The following ZBTB20 variants were observed in gnomAD, a reference collection of about 807,000 sequenced individuals.
ZBTB20 encodes the protein zinc finger and BTB domain containing 20.
ZBTB20 carries 9 observed loss-of-function variants against 56.9 expected under a neutral mutation model. The observed-to-expected ratio is 0.16, with a 90% CI of 0.10 to 0.28. The LOEUF is 0.28. Among genes scored for constraint, ZBTB20 ranks in the 10% least tolerant of loss-of-function variants. The pLI is 1.00. For synonymous variants in ZBTB20, 417 were observed against 420.7 expected, an observed-to-expected ratio of 0.99 and a Z score of 0.11; for missense variants, 655 against 1,003.0, an observed-to-expected ratio of 0.65 and a Z score of 4.69.
chr3:114,393,160 G>A (rs2086035396), intron 7 of ZBTB20, among the ~76,000 whole-genome samples: 1 of 152,138 alleles, frequency 6.6e-6, no homozygotes, highest in Non-Finnish European at 1.5e-5. Context: ...CAGCAAAATG[G>A]GCTCAAGAGC....
chr3:114,815,896 T>C (rs756163079), intron 4 of ZBTB20, among the ~76,000 whole-genome samples: 1 of 152,158 alleles, frequency 6.6e-6, no homozygotes, highest in Non-Finnish European at 1.5e-5. Context: ...TTATTTTAGA[T>C]AACACTCTTT....
chr3:114,435,279 T>A (rs1307920223), intron 7 of ZBTB20, among the ~76,000 whole-genome samples: 1 of 152,176 alleles, frequency 6.6e-6, no homozygotes, highest in African/African-American at 2.4e-5. Context: ...GGGAGGAAGA[T>A]AACAGTGATC....
At chr3:114,985,587 T>C (rs1013489980) in intron 2 of ZBTB20, among the ~76,000 whole-genome samples, 5 of 152,074 alleles carry the variant, frequency 3.3e-5, no homozygotes, top group African/African-American at 9.7e-5. Flanking sequence ...TCAAAAACAA[T>C]TGAATGGAAC....
intron 7 of ZBTB20, among the ~76,000 whole-genome samples, chr3:114,439,539 A>G (rs1176280388): frequency 6.6e-6 from 1 of 152,176 alleles, no homozygotes; most frequent in Non-Finnish European, 1.5e-5. Flanking sequence ...GGGTAACATC[A>G]TGTCTAAAAA....
At position 114,505,657 on chromosome 3, in the gene ZBTB20, G is replaced by A. The variant is rs79721480; in HGVS notation, c.-294-5266C>T. Among the ~76,000 whole-genome samples the A allele has an allele frequency of 9.3e-3, 1,421 of 152,004 alleles. 23 individuals are homozygous for A. Among genetic ancestry groups the A allele is most frequent in the African/African-American group, 0.032 (1,307 of 41,462 alleles). Reference sequence around the variant, plus strand: ...GATAATGTTTTAACATCCCTTTAACGTTCTAGAAGTATTGCGTTAATTAAT... The same window carrying A: ...GATAATGTTTTAACATCCCTTTAACATTCTAGAAGTATTGCGTTAATTAAT... On this transcript the variant is annotated intron_variant, in intron 6 of 11. Transcript: ENST00000675478.
intron 5 of ZBTB20, among the ~76,000 whole-genome samples, chr3:114,758,200 T>C (rs76754982): frequency 0.034 from 5,220 of 152,238 alleles, 145 homozygotes; most frequent in African/African-American, 0.07. Context: ...AGTATCTCTG[T>C]TTCTTAATGT....
At chr3:114,838,999 T>C (rs748195998) in intron 4 of ZBTB20, among the ~76,000 whole-genome samples, 1 of 152,158 alleles carries the variant, frequency 6.6e-6, no homozygotes, top group Non-Finnish European at 1.5e-5. Flanking sequence ...TCCTGTTCTA[T>C]TAATTACAGT....
intron 3 of ZBTB20, among the ~76,000 whole-genome samples, chr3:114,932,203 A>C (rs1383404937): frequency 6.6e-6 from 1 of 152,184 alleles, no homozygotes; most frequent in African/African-American, 2.4e-5. Flanking sequence ...AGGGTTATGG[A>C]TCACCTGTAA....
chr3:114,918,353 A>G (rs954669403), intron 3 of ZBTB20, among the ~76,000 whole-genome samples: 2 of 151,898 alleles, frequency 1.3e-5, no homozygotes, highest in Non-Finnish European at 2.9e-5. Flanking sequence ...CTGCTCTACA[A>G]CACTATGGCC....
intron 1 of ZBTB20, among the ~76,000 whole-genome samples, chr3:115,111,638 A>G (rs1182653849): frequency 6.6e-6 from 1 of 152,200 alleles, no homozygotes; most frequent in Non-Finnish European, 1.5e-5. Context: ...AGAATATTTG[A>G]TAACATAAAA....
chr3:114,734,287 T>A (rs962791343), intron 5 of ZBTB20, among the ~76,000 whole-genome samples: 3 of 152,026 alleles, frequency 2.0e-5, no homozygotes, highest in Non-Finnish European at 2.9e-5. Context: ...TAAAAAACAC[T>A]GGAGACCAAT....
At chr3:114,485,222 A>G (rs932100033) in intron 7 of ZBTB20, among the ~76,000 whole-genome samples, 1 of 152,196 alleles carries the variant, frequency 6.6e-6, no homozygotes, top group Non-Finnish European at 1.5e-5. Context: ...AGTTATTTTT[A>G]CAAAAATACT....
At chr3:114,948,743 T>G (rs2076968807) in intron 3 of ZBTB20, among the ~76,000 whole-genome samples, 1 of 146,200 alleles carries the variant, frequency 6.8e-6, no homozygotes, top group South Asian at 2.1e-4. Flanking sequence ...TTAAAAAATC[T>G]AATTGTAGAA....
rs1460233506 is a variant in ZBTB20 at position 114,619,600 on chromosome 3, C to T, written c.-295+73928G>A. 2.0e-5 allele frequency among the ~76,000 whole-genome samples: 3 copies of T among 152,102 alleles called. No individual in the cohort carries two copies. In the East Asian group the frequency reaches 5.8e-4, roughly 29 times the overall value. On this transcript the variant is annotated intron_variant, in intron 6 of 11. Coordinates refer to ENST00000675478, the MANE Select transcript of ZBTB20 (RefSeq NM_001348800.3). Reference sequence around the variant, plus strand: ...ATACCATCTAGGGTGCTAGAATGGGCATTTAGCAAATGGTACTTTAGAGGC... The same window carrying T: ...ATACCATCTAGGGTGCTAGAATGGGTATTTAGCAAATGGTACTTTAGAGGC...
intron 6 of ZBTB20, among the ~76,000 whole-genome samples, chr3:114,570,053 T>A (rs1173674545): frequency 6.6e-6 from 1 of 152,170 alleles, no homozygotes; most frequent in African/African-American, 2.4e-5. Flanking sequence ...CGCACTTCAA[T>A]AGTATAAAGG....
chr3:114,332,785 A>G lies in ZBTB20; in HGVS notation c.*6220T>C, dbSNP rs540665814. The G allele has an allele frequency of 3.9e-5, 6 of 152,362 alleles. No homozygotes were observed. In the East Asian group the frequency reaches 1.2e-3, roughly 29 times the overall value. The allele number at this position is 152,362 out of a possible 1,614,324, so 9.4% of individuals were successfully genotyped here. The stretch of plus-strand genomic sequence containing the variant: ...TTGAGGTCACTTAAGATTAGATTTC[A>G]GTCTGAAAGTCTACAGTTTACGGAG... On this transcript the variant is annotated 3_prime_UTR_variant, in exon 12 of 12. Transcript: ENST00000675478.
chr3:114,749,274 C>CTGGG (rs2067361262), intron 5 of ZBTB20, among the ~76,000 whole-genome samples: 1 of 152,146 alleles, frequency 6.6e-6, no homozygotes, highest in Admixed American at 6.6e-5. Context: ...AAATTGGCAG[C>CTGGG]TGGGTGCGGT....
intron 4 of ZBTB20, among the ~76,000 whole-genome samples, chr3:114,894,173 T>C (rs1342611596): frequency 2.0e-5 from 3 of 152,202 alleles, no homozygotes; most frequent in African/African-American, 7.2e-5. Context: ...ATTTACAAGC[T>C]ATATGACTTT....
At chr3:115,021,101 T>C (rs186907063) in intron 2 of ZBTB20, among the ~76,000 whole-genome samples, 30 of 151,154 alleles carry the variant, frequency 2.0e-4, no homozygotes, top group Non-Finnish European at 3.9e-4. Flanking sequence ...AAGTTTCATC[T>C]AGTCTAATTT....
Sources: allele counts gnomAD v4.1 joint callset (sites outside exome capture counted in the v4.1 genomes callset), GRCh38; gene constraint gnomAD v4.1.1; transcripts MANE v1.5; gene names NCBI Gene and HGNC (gene_info 2026-07-23, HGNC 2026-07-21).